Variants in CPLANE1 observed in about 807,000 individuals in gnomAD.
CPLANE1 encodes ciliogenesis and planar polarity effector 1.
Under a neutral mutation model 362.5 loss-of-function variants are expected in CPLANE1, and 263 were observed. The observed-to-expected ratio is 0.73, with a 90% CI of 0.66 to 0.80. The LOEUF (loss-of-function observed/expected upper bound fraction) is 0.80, where lower values mean the gene tolerates loss of function less well. CPLANE1 is among the 30% of genes least tolerant of loss of function. The pLI, the probability that CPLANE1 is intolerant of heterozygous loss-of-function variation, is 0.00. For missense variants in CPLANE1, 3,461 were observed against 3,793.4 expected, an observed-to-expected ratio of 0.91 and a Z score of 2.30; for synonymous variants, 1,212 against 1,302.6, an observed-to-expected ratio of 0.93 and a Z score of 1.50.
At chr5:37,179,812 C>T (rs554706935) in intron 28 of CPLANE1, among the ~76,000 whole-genome samples, 2 of 152,074 alleles carry the variant, frequency 1.3e-5, no homozygotes, top group Admixed American at 6.6e-5. Context: ...ATAAAAATAC[C>T]TTAGATCTTC....
At chr5:37,098,390 CAAAAAAAAAAAAA>C in the CPLANE1 span, among the ~76,000 whole-genome samples, 1 of 37,632 alleles carries the variant, frequency 2.7e-5, no homozygotes, top group Non-Finnish European at 5.2e-5. Flanking sequence ...AACTCCGTCT[CAAAAAAAAAAAAA>C]AAAAAAAAAA....
intron 41 of CPLANE1, among the ~76,000 whole-genome samples, chr5:37,154,474 T>TTTTTTTTTTTTTTTTTTTTTTTTTTTTG (rs1774483912): frequency 6.8e-6 from 1 of 146,236 alleles, no homozygotes; most frequent in Non-Finnish European, 1.5e-5. Flanking sequence ...TTTTTTTTTT[T>TTTTTTTTTTTTTTTTTTTTTTTTTTTTG]TTTTTTTTTA....
intron 9 of CPLANE1, among the ~76,000 whole-genome samples, chr5:37,229,139 C>T (rs1797111307): frequency 6.8e-6 from 1 of 146,336 alleles, no homozygotes; most frequent in Non-Finnish European, 1.5e-5. Context: ...ATTTCTTGAA[C>T]ACGGGAGGTG....
chr5:37,227,508 A>C, intron 10 of CPLANE1, 60 bp downstream of exon 10: 7 of 1,491,506 alleles, frequency 4.7e-6, no homozygotes, highest in Non-Finnish European at 6.2e-6. Flanking sequence ...ATTGTCAGTA[A>C]AGTTTTAAAT....
At chr5:37,210,838 C>G (rs1460075738) in intron 16 of CPLANE1, 2 of 886,224 alleles carry the variant, frequency 2.3e-6, no homozygotes, top group East Asian at 4.8e-5. Context: ...GCAGAAAAGG[C>G]TACAGTGGTT....
At position 37,114,616 on chromosome 5, in the gene CPLANE1, A is replaced by C. The variant is rs1760370739; in HGVS notation, c.9400+344T>G. On this transcript the variant is annotated intron_variant, in intron 51 of 52. Transcript: ENST00000651892. ...ATAATTTTTTTAAAATTTAGTATTA[A>C]GGGCCAGGCACAGTGGCTCATGCCT... Among the ~76,000 whole-genome samples, 3 of 152,068 alleles carry C rather than the reference A, an allele frequency of 2.0e-5. No individual in the cohort carries two copies. The South Asian group carries it at 6.2e-4, about 31-fold the overall frequency.
At chr5:37,086,983 C>T in the CPLANE1 span, among the ~76,000 whole-genome samples, 12 of 152,116 alleles carry the variant, frequency 7.9e-5, no homozygotes, top group Admixed American at 2.0e-4. Context: ...CATTGGTGCC[C>T]GCTTGGGATC....
At chr5:37,086,636 T>C in the CPLANE1 span, among the ~76,000 whole-genome samples, 1 of 152,160 alleles carries the variant, frequency 6.6e-6, no homozygotes, top group East Asian at 1.9e-4. Context: ...GGGAGGGGAA[T>C]GGAGGAAGGC....
intron 25 of CPLANE1, among the ~76,000 whole-genome samples, chr5:37,184,287 T>C (rs1191660166): frequency 6.6e-6 from 1 of 152,150 alleles, no homozygotes; most frequent in African/African-American, 2.4e-5. Context: ...ACATGATTCC[T>C]AGGGCAGAAC....
At chr5:37,131,157 G>A (rs1765667945) in intron 46 of CPLANE1, among the ~76,000 whole-genome samples, 1 of 152,180 alleles carries the variant, frequency 6.6e-6, no homozygotes. Flanking sequence ...ACAGGATTCA[G>A]AATTGAAAGA....
At position 37,107,430 on chromosome 5, in the gene CPLANE1, T is replaced by G. The variant is rs923369532; in HGVS notation, c.*172A>C. 1.0e-5 allele frequency: 13 copies of G among 1,281,234 alleles called. No homozygotes were observed. In the Admixed American group the frequency reaches 3.1e-4, roughly 31 times the overall value. 79.4% of individuals were successfully genotyped at this position (1,281,234 alleles called of 1,614,324 possible). A position where few individuals can be genotyped will look rare whatever the true frequency, so the allele number is the denominator to read the frequency against. On this transcript the variant is annotated 3_prime_UTR_variant, in exon 53 of 53. Coordinates refer to ENST00000651892, the MANE Select transcript of CPLANE1 (RefSeq NM_001384732.1). ...CCTTTCCCCATAAAGGCAAAGTTAC[T>G]GAGAAATGTTTATTTTTCCTCTGGT...
At chr5:37,166,362 G>C (rs1778238361) in intron 35 of CPLANE1, among the ~76,000 whole-genome samples, 1 of 152,140 alleles carries the variant, frequency 6.6e-6, no homozygotes, top group Non-Finnish European at 1.5e-5. Context: ...AATACGGTAA[G>C]ATGATTGGTT....
the CPLANE1 span, among the ~76,000 whole-genome samples, chr5:37,098,074 A>G: frequency 6.6e-6 from 1 of 152,098 alleles, no homozygotes; most frequent in Non-Finnish European, 1.5e-5. Context: ...AGACTCCAAT[A>G]CAGTCATATT....
At chr5:37,149,791 G>T (rs76292614) in intron 42 of CPLANE1, among the ~76,000 whole-genome samples, 22,365 of 152,052 alleles carry the variant, frequency 0.15, 1,935 homozygotes, top group African/African-American at 0.23. Flanking sequence ...ACTACTGTAC[G>T]TAAGGGCTTT....
At position 37,153,829 on chromosome 5, in the gene CPLANE1, C is replaced by G. The variant is rs1335627553; in HGVS notation, c.8284G>C (p.Asp2762His). ...TTCTGTATTGCTAGCAACTGCTCGT[C>G]AATTTTCTGAAGCTTAGCACTGAGA... ...EHLSAKLQKI[D>H]EQLLAIQNIA... The change falls in exon 42 of 53, where the codon GAC becomes CAC. Residue 2762 changes from aspartate (D) to histidine (H), a missense_variant. Physicochemically the swap from Asp to His is moderately conservative, Grantham distance 81. Coordinates refer to ENST00000651892, the MANE Select transcript of CPLANE1 (RefSeq NM_001384732.1). 6.2e-7 allele frequency: 1 copy of G among 1,614,128 alleles called. No individual in the cohort carries two copies. The highest frequency in any genetic ancestry group is 8.5e-7 in the Non-Finnish European group (1 of 1,180,022).
chr5:37,222,248 T>G (rs1795515824), intron 14 of CPLANE1, among the ~76,000 whole-genome samples: 1 of 152,208 alleles, frequency 6.6e-6, no homozygotes, highest in Admixed American at 6.5e-5. Context: ...GATAACATTG[T>G]ATGCAATTTC....
downstream of CPLANE1, among the ~76,000 whole-genome samples, chr5:37,101,779 A>G (rs1757304046): frequency 6.6e-6 from 1 of 152,042 alleles, no homozygotes; most frequent in East Asian, 1.9e-4. Flanking sequence ...AATTTCAGAA[A>G]TTGTTCTTGA....
the CPLANE1 span, among the ~76,000 whole-genome samples, chr5:37,080,532 G>C: frequency 6.6e-6 from 1 of 151,994 alleles, no homozygotes; most frequent in East Asian, 1.9e-4. Context: ...TTTTTTTCTT[G>C]TCAGGCTTGA....
chr5:37,167,108 G>T lies in CPLANE1; in HGVS notation c.7339C>A (p.Gln2447Lys). The T allele has an allele frequency of 6.2e-7, 1 of 1,612,938 alleles. No homozygotes were observed. The highest frequency in any genetic ancestry group is 8.5e-7 in the Non-Finnish European group (1 of 1,179,294). ...GGTTCTATTTTGACCTTTAGAAGTTGAAGGTGTCCAGCATCACCTTGTTCA... is the reference window on the plus strand; with the variant it reads ...GGTTCTATTTTGACCTTTAGAAGTTTAAGGTGTCCAGCATCACCTTGTTCA... Reference protein sequence around the residue: ...LFEQGDAGHLQLLKVKIEPPE... With the variant: ...LFEQGDAGHLKLLKVKIEPPE... Residue 2447 changes from glutamine (Q) to lysine (K), a missense_variant, in exon 35 of 53, where the codon CAA becomes AAA. Physicochemically the swap from Gln to Lys is moderately conservative, Grantham distance 53. Transcript: ENST00000651892.
Sources: gnomAD v4.1 joint callset for allele counts (sites outside exome capture counted in the v4.1 genomes callset) on GRCh38, gnomAD v4.1.1 for gene constraint, MANE v1.5 for transcripts, NCBI Gene and HGNC (gene_info 2026-07-23, HGNC 2026-07-21) for gene names.